Variants in PIGK observed in about 807,000 individuals in gnomAD.
PIGK encodes the protein GPI-anchor transamidase.
In PIGK, 42 loss-of-function variants were observed where a neutral mutation model predicts 50.6. The observed-to-expected ratio is 0.83, with a 90% CI of 0.65 to 1.07. PIGK has a LOEUF of 1.07. PIGK is among the 50% of genes least tolerant of loss of function. The pLI is 0.00. For missense variants in PIGK, 448 were observed against 488.7 expected, an observed-to-expected ratio of 0.92 and a Z score of 0.78; for synonymous variants, 151 against 156.0, an observed-to-expected ratio of 0.97 and a Z score of 0.24.
chr1:77,149,092 A>G (rs1163636136), intron 9 of PIGK, among the ~76,000 whole-genome samples: 2 of 152,218 alleles, frequency 1.3e-5, no homozygotes, highest in East Asian at 3.8e-4. Flanking sequence ...AAAACCTATA[A>G]TAGATACACT....
intron 3 of PIGK, among the ~76,000 whole-genome samples, chr1:77,183,618 G>A (rs540965444): frequency 1.3e-5 from 2 of 152,298 alleles, no homozygotes; most frequent in South Asian, 4.1e-4. Context: ...GATATTAAGG[G>A]TGTGGGATAA....
At chr1:77,148,354 T>C (rs894625837) in intron 9 of PIGK, among the ~76,000 whole-genome samples, 3 of 152,180 alleles carry the variant, frequency 2.0e-5, no homozygotes, top group African/African-American at 4.8e-5. Flanking sequence ...ATCTGGTAAA[T>C]AGCAACATTG....
intron 3 of PIGK, among the ~76,000 whole-genome samples, chr1:77,190,821 C>T (rs1208455747): frequency 6.6e-6 from 1 of 152,180 alleles, no homozygotes; most frequent in Non-Finnish European, 1.5e-5. Context: ...TTTTCAGCCA[C>T]CAGGACTGCC....
chr1:77,116,990 A>C (rs540776109), intron 10 of PIGK, among the ~76,000 whole-genome samples: 13 of 152,276 alleles, frequency 8.5e-5, no homozygotes, highest in Admixed American at 7.2e-4. Context: ...AACTAAATCT[A>C]CTCAACTTTA....
chr1:77,138,830 ATCTAGTATCACTTCAAC>A (rs1332184381), intron 9 of PIGK, among the ~76,000 whole-genome samples: 1 of 152,156 alleles, frequency 6.6e-6, no homozygotes, highest in African/African-American at 2.4e-5. Flanking sequence ...GTTACTATCA[ATCTAGTATCACTTCAAC>A]TGAATTGCTC....
At chr1:77,219,115 T>C (rs1290009156) in intron 1 of PIGK, among the ~76,000 whole-genome samples, 195 bp downstream of exon 1, 1 of 152,192 alleles carries the variant, frequency 6.6e-6, no homozygotes, top group African/African-American at 2.4e-5. Flanking sequence ...GTTTGATTAT[T>C]TCAATTCATC....
chr1:77,202,882 G>T (rs927811151), intron 3 of PIGK, among the ~76,000 whole-genome samples: 1 of 152,170 alleles, frequency 6.6e-6, no homozygotes, highest in Non-Finnish European at 1.5e-5. Context: ...AGCCAAAAGA[G>T]CGTGACAGAG....
At chr1:77,208,545 T>G (rs962935569) in intron 2 of PIGK, among the ~76,000 whole-genome samples, 1 of 152,124 alleles carries the variant, frequency 6.6e-6, no homozygotes, top group Non-Finnish European at 1.5e-5. Flanking sequence ...GGGCTCCTAG[T>G]TTCCTGTAGA....
chr1:77,159,669 C>A (rs1302698005), intron 8 of PIGK, among the ~76,000 whole-genome samples: 3 of 152,212 alleles, frequency 2.0e-5, no homozygotes, highest in East Asian at 3.9e-4. Context: ...CATTTTGGAA[C>A]TTTAAGGTTT....
intron 3 of PIGK, among the ~76,000 whole-genome samples, chr1:77,190,441 T>C (rs1655877337): frequency 6.6e-6 from 1 of 152,108 alleles, no homozygotes; most frequent in Admixed American, 6.6e-5. Flanking sequence ...TTTAATGATA[T>C]GTTTTTGTCT....
At chr1:77,130,830 T>G (rs1184801707) in intron 9 of PIGK, among the ~76,000 whole-genome samples, 1 of 152,276 alleles carries the variant, frequency 6.6e-6, no homozygotes. Flanking sequence ...CTTCCACTTA[T>G]GAGTTGTGTG....
chr1:77,141,104 A>C (rs1231746064), intron 9 of PIGK, among the ~76,000 whole-genome samples: 3 of 152,158 alleles, frequency 2.0e-5, no homozygotes, highest in African/African-American at 4.8e-5. Flanking sequence ...AAACATTATA[A>C]AAATTAGATA....
At chr1:77,194,573 A>T (rs1655986509) in intron 3 of PIGK, among the ~76,000 whole-genome samples, 1 of 149,646 alleles carries the variant, frequency 6.7e-6, no homozygotes, top group African/African-American at 2.4e-5. Flanking sequence ...ACTTATAAGT[A>T]GGAGCTAAAC....
intron 3 of PIGK, among the ~76,000 whole-genome samples, chr1:77,196,960 A>G (rs752676395): frequency 7.2e-5 from 11 of 152,160 alleles, no homozygotes; most frequent in Non-Finnish European, 1.3e-4. Flanking sequence ...TCTTACATTT[A>G]TATCTGTAAT....
At position 77,091,125 on chromosome 1, in the gene PIGK, T is replaced by C. The variant is rs1041569727; in HGVS notation, c.*1249A>G. The C allele has an allele frequency of 6.6e-6, 1 of 152,204 alleles. No homozygotes were observed. Among genetic ancestry groups the C allele is most frequent in the Admixed American group, 6.5e-5 (1 of 15,282 alleles). 9.4% of individuals were successfully genotyped at this position (152,204 alleles called of 1,614,324 possible). A position where few individuals can be genotyped will look rare whatever the true frequency, so the allele number is the denominator to read the frequency against. On this transcript the variant is annotated 3_prime_UTR_variant, in exon 11 of 11. Transcript: ENST00000370812. ...TGAATAAAGATGAACACATAAATTC[T>C]TGCATAAAACAGATAAGACACCTGA...
At chr1:77,144,845 C>T (rs946434657) in intron 9 of PIGK, among the ~76,000 whole-genome samples, 8 of 151,944 alleles carry the variant, frequency 5.3e-5, no homozygotes, top group Admixed American at 2.0e-4. Flanking sequence ...CATCTAATTT[C>T]TGAAATTTCA....
chr1:77,134,383 T>C (rs1434960754), intron 9 of PIGK, among the ~76,000 whole-genome samples: 2 of 152,250 alleles, frequency 1.3e-5, no homozygotes, highest in Non-Finnish European at 2.9e-5. Flanking sequence ...TAGTTTCCCT[T>C]TAGTTTTAGA....
intron 1 of PIGK, among the ~76,000 whole-genome samples, chr1:77,215,677 A>T (rs1656542296): frequency 6.6e-6 from 1 of 152,316 alleles, no homozygotes. Flanking sequence ...CTGAGTGTCT[A>T]TCAGTAGATG....
chr1:77,147,562 C>G (rs1429803816), intron 9 of PIGK, among the ~76,000 whole-genome samples: 1 of 152,096 alleles, frequency 6.6e-6, no homozygotes, highest in African/African-American at 2.4e-5. Flanking sequence ...CAGTCACAAC[C>G]TGGAGGATAT....
Sources: allele counts gnomAD v4.1 joint callset (sites outside exome capture counted in the v4.1 genomes callset), GRCh38; gene constraint gnomAD v4.1.1; transcripts MANE v1.5; gene names NCBI Gene and HGNC (gene_info 2026-07-23, HGNC 2026-07-21).